Variants in NEGR1 observed in about 807,000 individuals in gnomAD.
NEGR1 encodes the protein IgLON family member 4.
NEGR1 carries 10 observed loss-of-function variants against 40.9 expected under a neutral mutation model. That is an observed-to-expected ratio of 0.24 (90% CI 0.15 to 0.42). The LOEUF is 0.42. NEGR1 is among the 10% of genes least tolerant of loss of function. The probability of loss-of-function intolerance (pLI) is 1.00; values close to 1 mark genes in which losing one functional copy is unlikely to be tolerated. For synonymous variants in NEGR1, 185 were observed against 166.8 expected, an observed-to-expected ratio of 1.11 and a Z score of -0.84; for missense variants, 352 against 438.9, an observed-to-expected ratio of 0.80 and a Z score of 1.77.
chr1:71,953,648 A>G (rs902606620), intron 1 of NEGR1, among the ~76,000 whole-genome samples: 8 of 152,012 alleles, frequency 5.3e-5, no homozygotes, highest in Non-Finnish European at 8.8e-5. Context: ...GAAAGAGTCA[A>G]TCAATGTAGC....
At chr1:72,035,419 C>T (rs1003026600) in intron 1 of NEGR1, among the ~76,000 whole-genome samples, 1 of 152,164 alleles carries the variant, frequency 6.6e-6, no homozygotes, top group Non-Finnish European at 1.5e-5. Context: ...ATTTCACTGA[C>T]TTAAGTATCA....
At chr1:71,898,892 ATT>A (rs1661050545) in intron 2 of NEGR1, among the ~76,000 whole-genome samples, 1 of 136,212 alleles carries the variant, frequency 7.3e-6, no homozygotes, top group African/African-American at 2.9e-5. Context: ...ATATATATAT[ATT>A]GCAAATATAT....
intron 6 of NEGR1, among the ~76,000 whole-genome samples, chr1:71,506,458 G>A (rs1340392142): frequency 1.3e-5 from 2 of 152,184 alleles, no homozygotes; most frequent in Non-Finnish European, 2.9e-5. Context: ...GCTGGTAGAG[G>A]AGAGTTGGAA....
intron 2 of NEGR1, among the ~76,000 whole-genome samples, chr1:71,884,430 T>C (rs188610287): frequency 1.2e-4 from 18 of 152,322 alleles, no homozygotes; most frequent in Middle Eastern, 6.8e-3. Flanking sequence ...CAAATATTAG[T>C]TCATTTGATT....
At chr1:71,659,584 A>G (rs1422114242) in intron 4 of NEGR1, among the ~76,000 whole-genome samples, 5 of 152,204 alleles carry the variant, frequency 3.3e-5, no homozygotes, top group Non-Finnish European at 7.4e-5. Context: ...CTATGATCTG[A>G]CAGAGGTCTA....
Position 72,253,650 on chromosome 1 carries a change from A to G in NEGR1, c.176+28669T>C, listed in dbSNP as rs576379352. Among the ~76,000 whole-genome samples the G allele has an allele frequency of 3.4e-3, 512 of 152,332 alleles. 1 individual carries two copies. Among genetic ancestry groups the G allele is most frequent in the Non-Finnish European group, 6.0e-3 (410 of 68,024 alleles). On this transcript the variant is annotated intron_variant, in intron 1 of 6. Coordinates refer to ENST00000357731, the MANE Select transcript of NEGR1 (RefSeq NM_173808.3). Reference sequence around the variant, plus strand: ...GTTACCAATAGAAATGAAAATGAGGAATCTACAAGACATTTCCAAGGCAAT... The same window carrying G: ...GTTACCAATAGAAATGAAAATGAGGGATCTACAAGACATTTCCAAGGCAAT...
chr1:71,476,799 G>A (rs1476652766), intron 6 of NEGR1: 1 of 152,106 alleles, frequency 6.6e-6, no homozygotes, highest in Non-Finnish European at 1.5e-5. Context: ...GAAGCTCCAT[G>A]TTTGCAACTT....
At chr1:72,235,730 G>T (rs1654523861) in intron 1 of NEGR1, among the ~76,000 whole-genome samples, 1 of 151,968 alleles carries the variant, frequency 6.6e-6, no homozygotes, top group Non-Finnish European at 1.5e-5. Flanking sequence ...TTAATAGGAA[G>T]CCATTCTAGG....
intron 6 of NEGR1, among the ~76,000 whole-genome samples, chr1:71,582,058 A>G (rs1649156000): frequency 6.6e-6 from 1 of 152,188 alleles, no homozygotes; most frequent in Non-Finnish European, 1.5e-5. Flanking sequence ...TAAATGTATC[A>G]TAGTGAAGCC....
chr1:71,471,032 A>C (rs1403368296), intron 6 of NEGR1, among the ~76,000 whole-genome samples: 1 of 152,116 alleles, frequency 6.6e-6, no homozygotes, highest in Non-Finnish European at 1.5e-5. Flanking sequence ...TATTCCATTC[A>C]TAAATGCTGG....
intron 1 of NEGR1, among the ~76,000 whole-genome samples, chr1:72,020,426 A>AT (rs1007492564): frequency 1.3e-5 from 2 of 152,130 alleles, no homozygotes; most frequent in African/African-American, 4.8e-5. Flanking sequence ...AGGAAAAATT[A>AT]TTTTCCCTGA....
intron 3 of NEGR1, among the ~76,000 whole-genome samples, chr1:71,698,366 T>C (rs1433044959): frequency 1.8e-4 from 28 of 151,844 alleles, no homozygotes. Flanking sequence ...AGGATATACA[T>C]GTGTTCTTTT....
At chr1:71,735,661 C>A (rs763494419) in intron 3 of NEGR1, among the ~76,000 whole-genome samples, 1 of 151,428 alleles carries the variant, frequency 6.6e-6, no homozygotes, top group Non-Finnish European at 1.5e-5. Context: ...ACACACACAT[C>A]GTGGGTATAC....
At chr1:72,280,363 ACCCTTTAGGGT>A (rs1181167783) in intron 1 of NEGR1, among the ~76,000 whole-genome samples, 1 of 152,156 alleles carries the variant, frequency 6.6e-6, no homozygotes, top group East Asian at 1.9e-4. Context: ...AGTCTCCTAA[ACCCTTTAGGGT>A]GGAAATGGTA....
intron 1 of NEGR1, among the ~76,000 whole-genome samples, chr1:72,169,761 C>T (rs1203259742): frequency 5.3e-5 from 8 of 152,142 alleles, no homozygotes; most frequent in Admixed American, 2.0e-4. Flanking sequence ...AAAATTATGT[C>T]TGACACTTCC....
chr1:71,724,272 A>G (rs1654602775), intron 3 of NEGR1, among the ~76,000 whole-genome samples: 1 of 152,142 alleles, frequency 6.6e-6, no homozygotes, highest in Non-Finnish European at 1.5e-5. Context: ...CCAGTGGATC[A>G]CACCATACAT....
intron 6 of NEGR1, among the ~76,000 whole-genome samples, chr1:71,435,217 A>G (rs897887437): frequency 1.3e-5 from 2 of 152,174 alleles, no homozygotes; most frequent in Non-Finnish European, 2.9e-5. Context: ...TGCAGTTTTT[A>G]TGTGGGTGCA....
chr1:71,714,062 A>C (rs1377668929), intron 3 of NEGR1, among the ~76,000 whole-genome samples: 1 of 152,190 alleles, frequency 6.6e-6, no homozygotes, highest in Non-Finnish European at 1.5e-5. Flanking sequence ...TATAAAGGAA[A>C]GAGGTTTAAT....
chr1:71,525,926 T>C (rs1042433120), intron 6 of NEGR1, among the ~76,000 whole-genome samples: 1 of 151,578 alleles, frequency 6.6e-6, no homozygotes, highest in Non-Finnish European at 1.5e-5. Flanking sequence ...TTGATCTATA[T>C]CTTTAGTGGC....
Sources: allele counts gnomAD v4.1 joint callset (sites outside exome capture counted in the v4.1 genomes callset), GRCh38; gene constraint gnomAD v4.1.1; transcripts MANE v1.5; gene names NCBI Gene and HGNC (gene_info 2026-07-23, HGNC 2026-07-21).